Variants in MRE11 observed in about 807,000 individuals in gnomAD.
MRE11 encodes the protein double-strand break repair protein MRE11.
Under a neutral mutation model 91.7 loss-of-function variants are expected in MRE11, and 62 were observed. The observed-to-expected ratio is 0.68, with a 90% CI of 0.55 to 0.84. The LOEUF (loss-of-function observed/expected upper bound fraction) is 0.84. Ranked by LOEUF, MRE11 falls within the 40% of genes least tolerant of loss-of-function variation. The probability of loss-of-function intolerance (pLI) is 0.00; values close to 1 mark genes in which losing one functional copy is unlikely to be tolerated. For missense variants in MRE11, 796 were observed against 852.9 expected, an observed-to-expected ratio of 0.93 and a Z score of 0.83; for synonymous variants, 273 against 271.4, an observed-to-expected ratio of 1.01 and a Z score of -0.06.
upstream of MRE11, chr11:94,496,632 A>T: frequency 7.1e-7 from 1 of 1,402,998 alleles, no homozygotes; most frequent in Non-Finnish European, 9.6e-7. Flanking sequence ...GTCATAATTC[A>T]TCTCTAGAAA....
At chr11:94,461,125 G>T in intron 11 of MRE11, 89 bp from the exon 12 acceptor site, 1 of 1,154,758 alleles carries the variant, frequency 8.7e-7, no homozygotes, top group South Asian at 1.4e-5. Context: ...GAGAAGGTAA[G>T]GCCAAACTTT....
the MRE11 span, among the ~76,000 whole-genome samples, chr11:94,504,153 G>A: frequency 2.0e-5 from 3 of 152,152 alleles, no homozygotes; most frequent in Non-Finnish European, 2.9e-5. Flanking sequence ...GAAATATGCC[G>A]TAGCTTGATC....
chr11:94,433,260 T>C (rs771871262), intron 18 of MRE11, among the ~76,000 whole-genome samples: 1 of 152,232 alleles, frequency 6.6e-6, no homozygotes, highest in Non-Finnish European at 1.5e-5. Flanking sequence ...GCAACCACAG[T>C]GATCCTTTGT....
intron 3 of MRE11, among the ~76,000 whole-genome samples, chr11:94,488,207 T>C (rs1947191368): frequency 6.6e-6 from 1 of 152,194 alleles, no homozygotes. Flanking sequence ...TACAGGATTC[T>C]CTGGCAGGAA....
intron 4 of MRE11, 64 bp downstream of exon 4, chr11:94,485,860 C>T (rs1393003849): frequency 1.6e-5 from 23 of 1,483,554 alleles, no homozygotes; most frequent in South Asian, 3.4e-5. Flanking sequence ...TGTGTGTTTA[C>T]GTGTCTTATA....
At chr11:94,464,352 T>C (rs1946505649) in intron 10 of MRE11, 113 bp from the exon 11 acceptor site, 2 of 1,393,430 alleles carry the variant, frequency 1.4e-6, no homozygotes, top group South Asian at 2.5e-5. Flanking sequence ...TTGAAATTTA[T>C]GAATTAATTT....
chr11:94,438,638 A>G (rs1382004966), intron 16 of MRE11, among the ~76,000 whole-genome samples: 2 of 152,224 alleles, frequency 1.3e-5, no homozygotes, highest in Non-Finnish European at 2.9e-5. Context: ...TGGAAGGCAA[A>G]AGATGAGTGA....
the MRE11 span, among the ~76,000 whole-genome samples, chr11:94,507,684 G>C: frequency 6.6e-6 from 1 of 152,084 alleles, no homozygotes; most frequent in African/African-American, 2.4e-5. Context: ...CTTCCTAGTG[G>C]GCATGTAGTA....
intron 7 of MRE11, chr11:94,473,208 G>C (rs1946763700): frequency 6.6e-6 from 1 of 152,118 alleles, no homozygotes; most frequent in Non-Finnish European, 1.5e-5. Context: ...ACAGGCTTGT[G>C]TATCCAGGAA....
intron 6 of MRE11, among the ~76,000 whole-genome samples, chr11:94,478,394 T>C (rs996672765): frequency 1.3e-5 from 2 of 152,216 alleles, no homozygotes; most frequent in African/African-American, 4.8e-5. Context: ...AGAGGTATTA[T>C]GAAAGCTGCA....
chr11:94,439,614 C>A (rs1452563873), intron 16 of MRE11, among the ~76,000 whole-genome samples: 1 of 152,174 alleles, frequency 6.6e-6, no homozygotes, highest in East Asian at 1.9e-4. Context: ...AATTTTATAG[C>A]TAAGGGATCT....
chr11:94,479,616 G>C, intron 5 of MRE11, 58 bp downstream of exon 5: 1 of 1,472,710 alleles, frequency 6.8e-7, no homozygotes, highest in South Asian at 1.1e-5. Flanking sequence ...GCTTTCCACA[G>C]ACAAACTAAA....
At chr11:94,431,614 T>C (rs1212577748) in intron 18 of MRE11, among the ~76,000 whole-genome samples, 1 of 152,212 alleles carries the variant, frequency 6.6e-6, no homozygotes, top group Non-Finnish European at 1.5e-5. Flanking sequence ...TCAGAATGCC[T>C]GGACTGTATG....
intron 5 of MRE11, 107 bp downstream of exon 5, chr11:94,479,567 G>A (rs1382698495): frequency 1.1e-6 from 1 of 918,654 alleles, no homozygotes; most frequent in East Asian, 2.5e-5. Flanking sequence ...CTTGACTTTT[G>A]ACTCAATTTG....
rs372404360 is a variant in MRE11, at chr11:94,457,887, T to TCTCTCTCTCA, written c.1500+1520_1500+1521insTGAGAGAGAG. Among the ~76,000 whole-genome samples, 288 of 144,298 alleles carry TCTCTCTCTCA rather than the reference T, an allele frequency of 2.0e-3. 1 individual carries two copies. Among genetic ancestry groups the TCTCTCTCTCA allele is most frequent in the African/African-American group, 7.1e-3 (276 of 38,654 alleles). 94.7% of individuals were successfully genotyped at this position (144,298 alleles called of 152,430 possible). A position where few individuals can be genotyped will look rare whatever the true frequency, so the allele number is the denominator to read the frequency against. ...TTCTCTCTCTCCCTCTCTCTCTCTC[T>TCTCTCTCTCA]CACACACACACACACACACACACAC... On this transcript the variant is annotated intron_variant, in intron 13 of 19. Coordinates refer to ENST00000323929, the MANE Select transcript of MRE11 (RefSeq NM_005591.4).
intron 7 of MRE11, among the ~76,000 whole-genome samples, chr11:94,473,932 G>T (rs1454876545): frequency 6.6e-6 from 1 of 152,084 alleles, no homozygotes; most frequent in Non-Finnish European, 1.5e-5. Flanking sequence ...CACAAGTAAG[G>T]AAAGGGAGAA....
chr11:94,504,342 C>T, the MRE11 span, among the ~76,000 whole-genome samples: 72 of 151,964 alleles, frequency 4.7e-4, no homozygotes, highest in Admixed American at 1.3e-4. Flanking sequence ...TGACCTCATC[C>T]TCAAATTCTA....
chr11:94,448,139 C>T (rs111860026), intron 14 of MRE11, among the ~76,000 whole-genome samples: 32 of 152,126 alleles, frequency 2.1e-4, no homozygotes, highest in African/African-American at 7.2e-4. Context: ...AAAAAATAGC[C>T]GTTATCTCTG....
chr11:94,500,447 G>A, the MRE11 span, among the ~76,000 whole-genome samples: 2 of 152,202 alleles, frequency 1.3e-5, no homozygotes, highest in Non-Finnish European at 2.9e-5. Flanking sequence ...TCTGTGCACA[G>A]AAGGCAGTCA....
Sources: gnomAD v4.1 joint callset for allele counts (sites outside exome capture counted in the v4.1 genomes callset) on GRCh38, gnomAD v4.1.1 for gene constraint, MANE v1.5 for transcripts, NCBI Gene and HGNC (gene_info 2026-07-23, HGNC 2026-07-21) for gene names.